The following ANKRD12 variants were observed in gnomAD, a reference collection of about 807,000 sequenced individuals.
ANKRD12 encodes ankyrin repeat domain 12, also known as ankyrin repeat domain-containing protein 12.
ANKRD12 carries 85 observed loss-of-function variants against 183.4 expected under a neutral mutation model. The ratio of observed to expected loss-of-function variants is 0.46; its 90% CI spans 0.39 to 0.56. The LOEUF (loss-of-function observed/expected upper bound fraction) is 0.56. Ranked by LOEUF, ANKRD12 falls within the 20% of genes least tolerant of loss-of-function variation. The probability of loss-of-function intolerance (pLI) is 0.00; values close to 1 mark genes in which losing one functional copy is unlikely to be tolerated. For missense variants in ANKRD12, 2,405 were observed against 2,357.1 expected, an observed-to-expected ratio of 1.02 and a Z score of -0.42; for synonymous variants, 914 against 800.2, an observed-to-expected ratio of 1.14 and a Z score of -2.40.
At chr18:9,227,021 A>C (rs1370397890) in intron 8 of ANKRD12, among the ~76,000 whole-genome samples, 1 of 152,216 alleles carries the variant, frequency 6.6e-6, no homozygotes, top group Non-Finnish European at 1.5e-5. Flanking sequence ...TTAACAAGGA[A>C]ATGGACAGTA....
intron 2 of ANKRD12, among the ~76,000 whole-genome samples, chr18:9,193,674 C>T (rs2034600850): frequency 6.6e-6 from 1 of 152,050 alleles, no homozygotes; most frequent in South Asian, 2.1e-4. Context: ...CCTCCTCATC[C>T]CTCCTTTATT....
intron 8 of ANKRD12, chr18:9,235,645 C>T (rs2037302161): frequency 4.4e-6 from 2 of 456,254 alleles, no homozygotes; most frequent in Non-Finnish European, 8.8e-6. Flanking sequence ...CAGGATCCAG[C>T]TACCAATTTG....
At chr18:9,271,041 G>A (rs1454768311) in intron 10 of ANKRD12, among the ~76,000 whole-genome samples, 1 of 152,118 alleles carries the variant, frequency 6.6e-6, no homozygotes, top group Non-Finnish European at 1.5e-5. Context: ...CTGCAGTTAG[G>A]TGTCATATAG....
At chr18:9,266,597 A>G (rs2039303499) in intron 10 of ANKRD12, among the ~76,000 whole-genome samples, 1 of 152,252 alleles carries the variant, frequency 6.6e-6, no homozygotes, top group South Asian at 2.1e-4. Context: ...GGCCTGCCCT[A>G]AAAGAGCTCC....
intron 2 of ANKRD12, among the ~76,000 whole-genome samples, chr18:9,189,658 T>TTA (rs1489005365): frequency 6.6e-6 from 1 of 152,166 alleles, no homozygotes; most frequent in African/African-American, 2.4e-5. Context: ...CCCATAAGAA[T>TTA]TACGTGAAAT....
In ANKRD12 at chr18:9,147,546, T is replaced by A. The variant is rs538125781; in HGVS notation, c.-52+10581T>A. Among the ~76,000 whole-genome samples the A allele has an allele frequency of 4.6e-5, 7 of 152,336 alleles. No individual in the cohort carries two copies. The South Asian group carries it at 1.4e-3, about 32-fold the overall frequency. On this transcript the variant is annotated intron_variant, in intron 1 of 12. Coordinates refer to ENST00000262126, the MANE Select transcript of ANKRD12 (RefSeq NM_015208.5). Reference sequence around the variant, plus strand: ...TTCTCTAGACCTATTTAAATCCTTTTATTTATTCATTGTTCATCTCAACTG... The same window carrying A: ...TTCTCTAGACCTATTTAAATCCTTTAATTTATTCATTGTTCATCTCAACTG...
chr18:9,227,821 T>C (rs1194183900), intron 8 of ANKRD12, among the ~76,000 whole-genome samples: 1 of 152,180 alleles, frequency 6.6e-6, no homozygotes, highest in Non-Finnish European at 1.5e-5. Context: ...TTTCAAGTCA[T>C]CTCTTCTAGT....
At chr18:9,253,611 C>A (rs1191840940) in intron 8 of ANKRD12, among the ~76,000 whole-genome samples, 1 of 152,166 alleles carries the variant, frequency 6.6e-6, no homozygotes, top group African/African-American at 2.4e-5. Flanking sequence ...GATTCCATAT[C>A]TTGGCTATTG....
intron 1 of ANKRD12, among the ~76,000 whole-genome samples, chr18:9,158,826 C>T (rs1450448399): frequency 9.2e-5 from 14 of 152,192 alleles, no homozygotes; most frequent in Admixed American, 9.2e-4. Flanking sequence ...TACTCATTCT[C>T]TCTCATTTAG....
At chr18:9,218,935 A>G (rs545074608) in intron 7 of ANKRD12, among the ~76,000 whole-genome samples, 18 of 152,272 alleles carry the variant, frequency 1.2e-4, no homozygotes, top group African/African-American at 3.6e-4. Context: ...CGTTGGGATT[A>G]TGGGCATTAG....
rs745985656 is a variant in ANKRD12, at chr18:9,256,822, C to A, written c.3555C>A (p.Ser1185Arg). Residue 1185 changes from serine (S) to arginine (R), a missense_variant, in exon 9 of 13, where the codon AGC (serine) becomes AGA (arginine). By Grantham distance (110) the Ser-to-Arg change is moderately radical. Around this residue, in one of 7 missense-constraint regions of ANKRD12, gnomAD observed 1,983 missense variants for 1,725.9 expected, o/e 1.15. Coordinates refer to ENST00000262126, the MANE Select transcript of ANKRD12 (RefSeq NM_015208.5). ...AGTCATCTTTTGTTTCAGATAATAGCTTAAACAGGTCTCCTAGATCAGAAA... is the reference window on the plus strand; with the variant it reads ...AGTCATCTTTTGTTTCAGATAATAGATTAAACAGGTCTCCTAGATCAGAAA... ...LGKSSFVSDN[S>R]LNRSPRSENE... The A allele has an allele frequency of 6.2e-7, 1 of 1,613,958 alleles. No homozygotes were observed. The highest frequency in any genetic ancestry group is 1.7e-5 in the Admixed American group (1 of 59,950).
chr18:9,141,514 T>C (rs1248937316), intron 1 of ANKRD12, among the ~76,000 whole-genome samples: 1 of 152,188 alleles, frequency 6.6e-6, no homozygotes, highest in Non-Finnish European at 1.5e-5. Context: ...CCTCCAAAAT[T>C]GTAAGAAACT....
At chr18:9,251,533 C>G (rs950841577) in intron 8 of ANKRD12, among the ~76,000 whole-genome samples, 2 of 152,078 alleles carry the variant, frequency 1.3e-5, no homozygotes, top group African/African-American at 4.8e-5. Flanking sequence ...GTGGCTCACA[C>G]CTGTAATCCC....
chr18:9,254,632 A>C lies in ANKRD12; in HGVS notation c.1365A>C (p.Gln455His). 2 of 1,582,192 alleles carry C rather than the reference A, an allele frequency of 1.3e-6. No individual in the cohort carries two copies. Among genetic ancestry groups the C allele is most frequent in the Non-Finnish European group, 1.7e-6 (2 of 1,167,742 alleles). ...VIPETSNSDM[Q>H]TKKEYVVSGE... The stretch of plus-strand genomic sequence containing the variant: ...CTGAAACATCAAATTCTGATATGCA[A>C]ACCAAAAAGGAATATGTAGTTTCAG... The change falls in exon 9 of 13, where the codon CAA (glutamine) becomes CAC (histidine). Residue 455 changes from glutamine (Q) to histidine (H), a missense_variant. Transcript: ENST00000262126.
intron 2 of ANKRD12, among the ~76,000 whole-genome samples, chr18:9,187,244 C>A (rs374124028): frequency 6.6e-6 from 1 of 151,802 alleles, no homozygotes; most frequent in Non-Finnish European, 1.5e-5. Context: ...TGGGCAAGAC[C>A]CCCGTCTCTA....
intron 8 of ANKRD12, among the ~76,000 whole-genome samples, chr18:9,240,935 A>C (rs972471281): frequency 1.3e-5 from 2 of 152,192 alleles, no homozygotes; most frequent in African/African-American, 2.4e-5. Context: ...ATATATTGTC[A>C]TAATTTGTAC....
chr18:9,146,316 T>C (rs535552009), intron 1 of ANKRD12, among the ~76,000 whole-genome samples: 5 of 152,212 alleles, frequency 3.3e-5, no homozygotes, highest in African/African-American at 1.2e-4. Flanking sequence ...TAATTCCAGC[T>C]ACTCCAGGAG....
chr18:9,158,404 G>A (rs546213658), intron 1 of ANKRD12, among the ~76,000 whole-genome samples: 1 of 152,180 alleles, frequency 6.6e-6, no homozygotes, highest in Admixed American at 6.5e-5. Flanking sequence ...CCTTCTCTTG[G>A]CATGACAGTT....
chr18:9,178,466 ATC>A (rs939348497), intron 1 of ANKRD12, among the ~76,000 whole-genome samples: 8 of 151,950 alleles, frequency 5.3e-5, no homozygotes, highest in African/African-American at 1.9e-4. Flanking sequence ...ATATGTGTAG[ATC>A]TGTTTCTGGA....
Sources: allele counts gnomAD v4.1 joint callset (sites outside exome capture counted in the v4.1 genomes callset), GRCh38; gene constraint gnomAD v4.1.1; regional missense constraint gnomAD v4.1.1; transcripts MANE v1.5; gene names NCBI Gene and HGNC (gene_info 2026-07-23, HGNC 2026-07-21).